TIPARP: variants seen among roughly 807,000 people sequenced by gnomAD.
The protein encoded by TIPARP is protein mono-ADP-ribosyltransferase TIPARP.
In TIPARP, 12 loss-of-function variants were observed where a neutral mutation model predicts 56.5. The observed-to-expected ratio is 0.21, with a 90% confidence interval of 0.14 to 0.34. TIPARP has a LOEUF of 0.34. Among genes scored for constraint, TIPARP ranks in the 10% least tolerant of loss-of-function variants. TIPARP has a pLI of 1.00. For missense variants in TIPARP, 604 were observed against 781.6 expected, an observed-to-expected ratio of 0.77 and a Z score of 2.71; for synonymous variants, 296 against 265.7, an observed-to-expected ratio of 1.11 and a Z score of -1.11.
Position 156,704,700 on chromosome 3 carries a change from A to C in TIPARP, c.1543A>C (p.Asn515His). The C allele has an allele frequency of 6.2e-7, 1 of 1,613,324 alleles. No homozygotes were observed. Among genetic ancestry groups the C allele is most frequent in the African/African-American group, 1.3e-5 (1 of 75,002 alleles). The stretch of plus-strand genomic sequence containing the variant: ...TTCCATTAGGAAAAAGGAATATATG[A>C]ACAGGAAAATGTTTGGCCGTGACAG... ...EKYKRKKEYM[N>H]RKMFGRDRII... Residue 515 changes from asparagine (N) to histidine (H), a missense_variant, in exon 6 of 6, where the codon AAC becomes CAC. Transcript: ENST00000295924.
intron 2 of TIPARP, among the ~76,000 whole-genome samples, chr3:156,682,876 G>A (rs1387915777): frequency 6.6e-6 from 1 of 152,182 alleles, no homozygotes. Context: ...CAAAATGTGT[G>A]CCTTGTGCTT....
rs557322668 is a variant in TIPARP, at chr3:156,684,514, C to T, written c.917+5900C>T. 9.2e-5 allele frequency among the ~76,000 whole-genome samples: 14 copies of T among 152,250 alleles called. 1 individual carries two copies. The South Asian group carries it at 2.9e-3, about 32-fold the overall frequency. The stretch of plus-strand genomic sequence containing the variant: ...AGTGGCATAATCTCGGCTCCTGCAA[C>T]CTCCGCCTCCTGGGTTCAAGCAATT... On this transcript the variant is annotated intron_variant, in intron 2 of 5. Coordinates refer to ENST00000295924, the MANE Select transcript of TIPARP (RefSeq NM_015508.5).
At chr3:156,698,767 T>C (rs1414148244) in intron 4 of TIPARP, among the ~76,000 whole-genome samples, 1 of 152,200 alleles carries the variant, frequency 6.6e-6, no homozygotes, top group East Asian at 1.9e-4. Context: ...CCTCCTATTT[T>C]AACAGTATAT....
At chr3:156,688,392 A>C (rs868590616) in intron 2 of TIPARP, among the ~76,000 whole-genome samples, 2,296 of 134,748 alleles carry the variant, frequency 0.017, 58 homozygotes, top group African/African-American at 0.058. Context: ...AAAAAAAAAA[A>C]AAAAACTGAA....
At chr3:156,691,463 C>T (rs928581708) in intron 2 of TIPARP, among the ~76,000 whole-genome samples, 1 of 152,124 alleles carries the variant, frequency 6.6e-6, no homozygotes, top group Non-Finnish European at 1.5e-5. Context: ...TTTCTTAACG[C>T]CCCTGGAAGA....
intron 2 of TIPARP, among the ~76,000 whole-genome samples, chr3:156,693,731 G>C (rs1053148241): frequency 4.6e-5 from 7 of 152,176 alleles, no homozygotes; most frequent in Admixed American, 3.9e-4. Flanking sequence ...AGAGTGGAGG[G>C]TGGGCTTATT....
Position 156,705,213 on chromosome 3 carries a change from G to C in TIPARP, c.*82G>C. ...GTTTTGAATGGGTGGGACTGGGTGG[G>C]GAACAGCATTGGACATTAATAGGGC... On this transcript the variant is annotated 3_prime_UTR_variant, in exon 6 of 6. Coordinates refer to ENST00000295924, the MANE Select transcript of TIPARP (RefSeq NM_015508.5). The C allele has an allele frequency of 2.6e-6, 2 of 780,496 alleles. 1 individual carries two copies. Among genetic ancestry groups the C allele is most frequent in the Non-Finnish European group, 3.9e-6 (2 of 514,770 alleles). The allele number at this position is 780,496 out of a possible 1,614,324, so 48.3% of individuals were successfully genotyped here.
intron 2 of TIPARP, chr3:156,681,305 A>G (rs562752419): frequency 1.3e-4 from 51 of 393,846 alleles, no homozygotes; most frequent in Admixed American, 1.0e-3. Context: ...TCAGCTGTGT[A>G]TATGTCGAAG....
At chr3:156,686,570 T>C (rs944752663) in intron 2 of TIPARP, among the ~76,000 whole-genome samples, 12 of 152,310 alleles carry the variant, frequency 7.9e-5, no homozygotes, top group African/African-American at 2.9e-4. Context: ...AAGTCACCAA[T>C]GAGTATATTT....
At chr3:156,675,691 C>T (rs1460310536) in intron 1 of TIPARP, 2 of 152,290 alleles carry the variant, frequency 1.3e-5, no homozygotes, top group Non-Finnish European at 2.9e-5. Context: ...CGGGGTGTCG[C>T]GCGGCGGCGG....
At chr3:156,690,118 A>G (rs1385420270) in intron 2 of TIPARP, among the ~76,000 whole-genome samples, 1 of 152,114 alleles carries the variant, frequency 6.6e-6, no homozygotes, top group Non-Finnish European at 1.5e-5. Context: ...ACACTTTATA[A>G]ACAGAGAAAC....
At chr3:156,697,825 AAG>A (rs1007889877) in intron 4 of TIPARP, among the ~76,000 whole-genome samples, 6 of 152,194 alleles carry the variant, frequency 3.9e-5, no homozygotes, top group Admixed American at 3.3e-4. Flanking sequence ...AAGTGAAAGG[AAG>A]AGTTACACAT....
chr3:156,679,659 T>G (rs1253125960), intron 2 of TIPARP, among the ~76,000 whole-genome samples: 1 of 152,208 alleles, frequency 6.6e-6, no homozygotes, highest in Non-Finnish European at 1.5e-5. Context: ...TTCATACTAA[T>G]GAATGGCCTG....
At chr3:156,703,316 A>T in intron 4 of TIPARP, 108 bp from the exon 5 acceptor site, 1 of 1,194,656 alleles carries the variant, frequency 8.4e-7, no homozygotes, top group Non-Finnish European at 1.2e-6. Flanking sequence ...ATAAGCACTT[A>T]AGCTATACAG....
chr3:156,681,115 T>G (rs1469506619), intron 2 of TIPARP: 1 of 456,422 alleles, frequency 2.2e-6, no homozygotes, highest in East Asian at 7.0e-5. Context: ...GATGTTGTGT[T>G]TCCTGGCAAC....
At chr3:156,681,675 A>G (rs1722310133) in intron 2 of TIPARP, among the ~76,000 whole-genome samples, 1 of 152,226 alleles carries the variant, frequency 6.6e-6, no homozygotes, top group South Asian at 2.1e-4. Flanking sequence ...CTTAGATACT[A>G]AAAGCACATT....
At chr3:156,703,736 G>T (rs34277251) in intron 5 of TIPARP, 34 bp downstream of exon 5, 648,840 of 1,575,858 alleles carry the variant, frequency 0.41, 141,326 homozygotes, top group East Asian at 0.71. Context: ...CAAGACGGCC[G>T]GGCGCAGTGG....
chr3:156,694,846 CT>C (rs376224091), intron 3 of TIPARP, among the ~76,000 whole-genome samples: 290 of 152,254 alleles, frequency 1.9e-3, no homozygotes, highest in African/African-American at 6.6e-3. Flanking sequence ...AAAGATCTGA[CT>C]TTTTCAATTT....
In TIPARP at chr3:156,689,203, C is replaced by T. The variant is rs1722507421; in HGVS notation, c.918-4817C>T. 1.3e-5 allele frequency among the ~76,000 whole-genome samples: 2 copies of T among 152,124 alleles called. 1 individual carries two copies. Among genetic ancestry groups the T allele is most frequent in the Non-Finnish European group, 2.9e-5 (2 of 68,008 alleles). ...CACCTTCCCACTTAAACCTGCTGTA[C>T]GTCTGGTAATTTGTCTTGTTAATAG... On this transcript the variant is annotated intron_variant, in intron 2 of 5. Coordinates refer to ENST00000295924, the MANE Select transcript of TIPARP (RefSeq NM_015508.5).
Sources: allele counts gnomAD v4.1 joint callset (sites outside exome capture counted in the v4.1 genomes callset), GRCh38; gene constraint gnomAD v4.1.1; transcripts MANE v1.5; gene names NCBI Gene and HGNC (gene_info 2026-07-23, HGNC 2026-07-21).